Variants in SLC6A17 observed in about 807,000 individuals in gnomAD.
SLC6A17 encodes sodium-dependent neutral amino acid transporter SLC6A17.
A neutral mutation model predicts 64.5 loss-of-function variants in SLC6A17; 21 were observed. The observed-to-expected ratio is 0.33, with a 90% confidence interval of 0.23 to 0.47. The LOEUF (loss-of-function observed/expected upper bound fraction) is 0.47. Ranked by LOEUF, SLC6A17 falls within the 20% of genes least tolerant of loss-of-function variation. The pLI is 1.00. For missense variants in SLC6A17, 682 were observed against 963.2 expected, an observed-to-expected ratio of 0.71 and a Z score of 3.86; for synonymous variants, 372 against 399.5, an observed-to-expected ratio of 0.93 and a Z score of 0.82.
In SLC6A17 at chr1:110,194,785, G is replaced by A; in HGVS notation, c.1492+14G>A. 7 of 1,610,314 alleles carry A rather than the reference G, an allele frequency of 4.3e-6. No individual in the cohort carries two copies. Among genetic ancestry groups the A allele is most frequent in the Non-Finnish European group, 5.9e-6 (7 of 1,179,980 alleles). On this transcript the variant is annotated intron_variant, in intron 9 of 11. Coordinates refer to ENST00000331565, the MANE Select transcript of SLC6A17 (RefSeq NM_001010898.4). ...AGATGTTCACAGGTAACTCCTCCCT[G>A]CCCCCATGCCCAGGCTCTGCAGGCT...
intron 10 of SLC6A17, 84 bp from the exon 11 acceptor site, chr1:110,197,353 A>T: frequency 6.6e-7 from 1 of 1,517,198 alleles, no homozygotes; most frequent in South Asian, 1.3e-5. Context: ...GGAAACGAAG[A>T]CTTTCTGGAG....
intron 5 of SLC6A17, 71 bp downstream of exon 5, chr1:110,175,031 G>A (rs536039070): frequency 1.3e-6 from 2 of 1,536,782 alleles, no homozygotes; most frequent in Middle Eastern, 2.3e-4. Flanking sequence ...ACAGGGCTAA[G>A]AATTCCAGGC....
In SLC6A17 at chr1:110,173,958, T is replaced by G; in HGVS notation, c.445-15T>G. On this transcript the variant is annotated splice_polypyrimidine_tract_variant and intron_variant, in intron 3 of 11. Coordinates refer to ENST00000331565, the MANE Select transcript of SLC6A17 (RefSeq NM_001010898.4). ...GCCTGCAGCCTCAGTGACCCCGCAG[T>G]GGGCTTGTCCCCAGGTCTGTCTCTT... 4 of 1,612,606 alleles carry G rather than the reference T, an allele frequency of 2.5e-6. No individual in the cohort carries two copies. The highest frequency in any genetic ancestry group is 3.4e-6 in the Non-Finnish European group (4 of 1,179,310).
chr1:110,171,292 T>A (rs1656216716), intron 2 of SLC6A17, among the ~76,000 whole-genome samples: 1 of 152,134 alleles, frequency 6.6e-6, no homozygotes, highest in Non-Finnish European at 1.5e-5. Context: ...CTCAGCAGGG[T>A]GCACTCATCT....
chr1:110,150,667 G>C lies in SLC6A17; in HGVS notation c.-304G>C, dbSNP rs1406505865. On this transcript the variant is annotated 5_prime_UTR_variant, in exon 1 of 12. Coordinates refer to ENST00000331565, the MANE Select transcript of SLC6A17 (RefSeq NM_001010898.4). ...CCCGCGCCGCTCCCCTGAGCCCCGA[G>C]CGCGCGGCGGGCGGGAGCCAGGTTG... 1 of 152,182 alleles carries C rather than the reference G, an allele frequency of 6.6e-6. No homozygotes were observed. Among genetic ancestry groups the C allele is most frequent in the Non-Finnish European group, 1.5e-5 (1 of 68,024 alleles). The allele number at this position is 152,182 out of a possible 1,614,324, so 9.4% of individuals were successfully genotyped here. A position where few individuals can be genotyped will look rare whatever the true frequency, so the allele number is the denominator to read the frequency against.
chr1:110,154,884 G>T (rs1655715147), intron 1 of SLC6A17, among the ~76,000 whole-genome samples: 1 of 152,204 alleles, frequency 6.6e-6, no homozygotes, highest in African/African-American at 2.4e-5. Flanking sequence ...ATTTACAGCA[G>T]CTGCTGGCAG....
chr1:110,174,133 GC>G (rs1656311859), intron 4 of SLC6A17, 34 bp downstream of exon 4: 2 of 1,610,250 alleles, frequency 1.2e-6, no homozygotes, highest in Non-Finnish European at 1.7e-6. Context: ...ATGCCAGCCA[GC>G]CCTGTCCCAG....
At chr1:110,180,816 G>A (rs1656502148) in intron 6 of SLC6A17, among the ~76,000 whole-genome samples, 1 of 152,128 alleles carries the variant, frequency 6.6e-6, no homozygotes, top group Non-Finnish European at 1.5e-5. Context: ...ATGCTGTTTG[G>A]TACCTCTGGC....
intron 6 of SLC6A17, among the ~76,000 whole-genome samples, chr1:110,183,000 A>C (rs958438888): frequency 1.3e-5 from 2 of 152,232 alleles, no homozygotes; most frequent in Admixed American, 6.5e-5. Flanking sequence ...TATGATAAAA[A>C]TAATCCATCA....
chr1:110,168,187 T>G (rs539363078), intron 2 of SLC6A17: 2 of 152,386 alleles, frequency 1.3e-5, no homozygotes, highest in African/African-American at 4.8e-5. Context: ...AGAGCTCTTG[T>G]GCTCCTGAGT....
rs1571001570 is a variant in SLC6A17 at position 110,192,312 on chromosome 1, C to A, written c.1106+99C>A. 6.6e-7 allele frequency: 1 copy of A among 1,524,932 alleles called. No homozygotes were observed. The highest frequency in any genetic ancestry group is 2.3e-5 in the East Asian group (1 of 44,146). 94.5% of individuals were successfully genotyped at this position (1,524,932 alleles called of 1,614,324 possible). Reference sequence around the variant, plus strand: ...CAGGTGTGCATGGGGAGAGAGGTCCCCTCCACTCAGACTGAGGAATGGAGA... The same window carrying A: ...CAGGTGTGCATGGGGAGAGAGGTCCACTCCACTCAGACTGAGGAATGGAGA... On this transcript the variant is annotated intron_variant, in intron 7 of 11. Coordinates refer to ENST00000331565, the MANE Select transcript of SLC6A17 (RefSeq NM_001010898.4). The surrounding 1 kb of genome is among the most constrained non-coding windows in gnomAD (Gnocchi z 4.3).
Position 110,173,962 on chromosome 1 carries a change from C to G in SLC6A17, c.445-11C>G, listed in dbSNP as rs770774523. ...GCAGCCTCAGTGACCCCGCAGTGGGCTTGTCCCCAGGTCTGTCTCTTTGTG... is the reference window on the plus strand; with the variant it reads ...GCAGCCTCAGTGACCCCGCAGTGGGGTTGTCCCCAGGTCTGTCTCTTTGTG... On this transcript the variant is annotated splice_polypyrimidine_tract_variant and intron_variant, in intron 3 of 11. Transcript: ENST00000331565. 6.2e-7 allele frequency: 1 copy of G among 1,612,626 alleles called. No homozygotes were observed.
At chr1:110,155,760 C>G (rs1655740774) in intron 1 of SLC6A17, among the ~76,000 whole-genome samples, 1 of 152,192 alleles carries the variant, frequency 6.6e-6, no homozygotes, top group Non-Finnish European at 1.5e-5. Context: ...GATTCTGCAT[C>G]CCACCAATTT....
Position 110,199,897 on chromosome 1 carries a change from GGATA to G in SLC6A17, c.*1457_*1460del, listed in dbSNP as rs1187636198. On this transcript the variant is annotated 3_prime_UTR_variant, in exon 12 of 12. Transcript: ENST00000331565. ...GGTTGGGGAGTGGGGGTGGATGGAT[GGATA>G]GATGGATGGATGGATGGATGGATGG... 1.2e-4 allele frequency: 45 copies of G among 387,566 alleles called. No homozygotes were observed. In the Admixed American group the frequency reaches 1.3e-3, roughly 11 times the overall value. The allele number at this position is 387,566 out of a possible 1,614,324, so 24.0% of individuals were successfully genotyped here. A position where few individuals can be genotyped will look rare whatever the true frequency, so the allele number is the denominator to read the frequency against.
At chr1:110,176,244 A>G (rs1339531029) in intron 5 of SLC6A17, among the ~76,000 whole-genome samples, 1 of 152,086 alleles carries the variant, frequency 6.6e-6, no homozygotes, top group Non-Finnish European at 1.5e-5. Context: ...GTCTTCCGTC[A>G]AAGGAGCTCT....
At chr1:110,182,015 C>A in intron 6 of SLC6A17, among the ~76,000 whole-genome samples, 1 of 152,142 alleles carries the variant, frequency 6.6e-6, no homozygotes, top group Non-Finnish European at 1.5e-5. Flanking sequence ...TTAGGACGAT[C>A]ATTCTAAGCC....
chr1:110,169,913 G>A (rs1322222570), intron 2 of SLC6A17, among the ~76,000 whole-genome samples: 1 of 152,162 alleles, frequency 6.6e-6, no homozygotes, highest in African/African-American at 2.4e-5. Context: ...TGAGCACTCT[G>A]GTTAGTTTAG....
intron 6 of SLC6A17, among the ~76,000 whole-genome samples, chr1:110,186,835 G>T (rs545356718): frequency 6.6e-6 from 1 of 152,374 alleles, no homozygotes; most frequent in East Asian, 1.9e-4. Flanking sequence ...AGAGCTCAAG[G>T]ACCAGAGGCA....
In SLC6A17 at chr1:110,192,075, A is replaced by G; in HGVS notation, c.968A>G (p.Asn323Ser). 6.2e-7 allele frequency: 1 copy of G among 1,614,188 alleles called. No individual in the cohort carries two copies. The highest frequency in any genetic ancestry group is 1.1e-5 in the South Asian group (1 of 91,076). The change falls in exon 7 of 12, where the codon AAT (asparagine) becomes AGT (serine). Residue 323 changes from asparagine to serine, a missense_variant. By Grantham distance (46) the Asn-to-Ser change is conservative. Around this residue, in one of 3 missense-constraint regions of SLC6A17, gnomAD observed 415 missense variants for 603.8 expected, o/e 0.69. Transcript: ENST00000331565. The surrounding 1 kb of genome is among the most constrained non-coding windows in gnomAD (Gnocchi z 4.3). ...GGTGTCATTGCCTTCTCCAGCTACA[A>G]TAAGCAGGACAACAACTGCCACTTC... ...FGGVIAFSSY[N>S]KQDNNCHFDA...
Sources: allele counts gnomAD v4.1 joint callset (sites outside exome capture counted in the v4.1 genomes callset), GRCh38; gene constraint gnomAD v4.1.1; regional missense constraint gnomAD v4.1.1; non-coding constraint Gnocchi (gnomAD v3.1); transcripts MANE v1.5; gene names NCBI Gene and HGNC (gene_info 2026-07-23, HGNC 2026-07-21).